ADGRV1: variants seen among roughly 807,000 people sequenced by gnomAD.
The protein encoded by ADGRV1 is adhesion G protein-coupled receptor V1.
Under a neutral mutation model 596.2 loss-of-function variants are expected in ADGRV1, and 359 were observed. The ratio of observed to expected loss-of-function variants is 0.60; its 90% CI spans 0.55 to 0.66. The LOEUF is 0.66. ADGRV1 is among the 30% of genes least tolerant of loss of function. The pLI is 0.00. For missense variants in ADGRV1, 7,274 were observed against 7,575.6 expected (o/e 0.96, Z 1.48); for synonymous variants, 2,681 against 2,679.2 (o/e 1.00, Z -0.02).
intron 17 of ADGRV1, among the ~76,000 whole-genome samples, chr5:90,651,401 G>C (rs1045153027): frequency 6.7e-6 from 1 of 150,168 alleles, no homozygotes; most frequent in Non-Finnish European, 1.5e-5. Context: ...CTCTCTCTTT[G>C]TATGTATGTT....
chr5:90,703,914 C>T (rs1326064566), intron 35 of ADGRV1, 119 bp downstream of exon 35: 27 of 704,676 alleles, frequency 3.8e-5, no homozygotes, highest in Non-Finnish European at 5.8e-5. Context: ...TCCAGACCTA[C>T]TTCGTATGAA....
At chr5:90,984,239 C>T in intron 84 of ADGRV1, among the ~76,000 whole-genome samples, 1 of 152,030 alleles carries the variant, frequency 6.6e-6, no homozygotes, top group East Asian at 1.9e-4. Flanking sequence ...ATATATAATT[C>T]ATTCATACTC....
intron 52 of ADGRV1, among the ~76,000 whole-genome samples, chr5:90,749,393 A>G (rs1159097854): frequency 6.6e-6 from 1 of 152,168 alleles, no homozygotes; most frequent in Non-Finnish European, 1.5e-5. Context: ...TTAAAAAGGC[A>G]TTGTCTTTTG....
chr5:91,041,143 A>G (rs1235850474), intron 85 of ADGRV1, among the ~76,000 whole-genome samples: 1 of 152,206 alleles, frequency 6.6e-6, no homozygotes, highest in African/African-American at 2.4e-5. Context: ...TTGGGTATAT[A>G]CCTAAAGGAT....
intron 87 of ADGRV1, among the ~76,000 whole-genome samples, chr5:91,129,898 A>G (rs1287311634): frequency 6.6e-6 from 1 of 152,200 alleles, no homozygotes. Context: ...ACAGATCTCC[A>G]TTCAAGAAAT....
Position 90,724,959 on chromosome 5 carries a change from C to A in ADGRV1, c.9876C>A (p.Tyr3292Ter). 6.2e-7 allele frequency: 1 copy of A among 1,604,280 alleles called. No individual in the cohort carries two copies. The highest frequency in any genetic ancestry group is 2.2e-5 in the East Asian group (1 of 44,636). ...TAAGAAAATCATCTGTTACTGTTTACCGATGGCAGGGGATTTTTATTCCAG... is the reference window on the plus strand; with the variant it reads ...TAAGAAAATCATCTGTTACTGTTTAACGATGGCAGGGGATTTTTATTCCAG... ...IMLRKSSVTV[Y>*]RWQGIFIPVE... Residue 3292 changes from tyrosine (Y) to a stop codon, truncating the protein, a stop_gained, in exon 46 of 90, where the codon TAC (tyrosine) becomes TAA (stop). Transcript: ENST00000405460. LOFTEE classifies it high-confidence loss of function.
chr5:90,613,402 G>A (rs747831906), intron 1 of ADGRV1, among the ~76,000 whole-genome samples: 1 of 152,082 alleles, frequency 6.6e-6, no homozygotes, highest in African/African-American at 2.4e-5. Flanking sequence ...GCTCAGAACT[G>A]CTCCCCCTTT....
chr5:90,834,836 T>C (rs533923719), intron 77 of ADGRV1, among the ~76,000 whole-genome samples: 3 of 152,060 alleles, frequency 2.0e-5, no homozygotes, highest in Admixed American at 1.3e-4. Context: ...ATTTTTATTC[T>C]TTTTTCTTTT....
chr5:90,754,895 T>G, intron 54 of ADGRV1, 88 bp from the exon 55 acceptor site: 1 of 856,896 alleles, frequency 1.2e-6, no homozygotes. Flanking sequence ...CTACAAGGGA[T>G]AGAGTAGAGT....
chr5:91,072,565 G>A lies in ADGRV1; in HGVS notation c.18271G>A (p.Ala6091Thr), dbSNP rs1332031548. ...CTACCAGGTGAAGCCACAGTGGAAA[G>A]CATATGATGATGTCTTCAGAGGAAG... is the stretch of plus-strand genomic sequence containing the variant. ...HAYQVKPQWK[A>T]YDDVFRGRTN... Residue 6091 changes from alanine to threonine, a missense_variant, in exon 86 of 90, where the codon GCA (alanine) becomes ACA (threonine). Physicochemically the swap from Ala to Thr is moderately conservative, Grantham distance 58 (BLOSUM62 0). Transcript: ENST00000405460. 6.2e-7 allele frequency: 1 copy of A among 1,613,892 alleles called. No individual in the cohort carries two copies. Among genetic ancestry groups the A allele is most frequent in the Admixed American group, 1.7e-5 (1 of 60,022 alleles).
intron 83 of ADGRV1, among the ~76,000 whole-genome samples, chr5:90,892,641 A>G (rs1252777427): frequency 6.6e-6 from 1 of 152,124 alleles, no homozygotes. Flanking sequence ...GTTTTCTCTT[A>G]CCCCTTTTAA....
Position 90,672,555 on chromosome 5 carries a change from G to A in ADGRV1, c.4762G>A (p.Glu1588Lys), listed in dbSNP as rs1423740535. ...TGACIPEIAEEGSTISCVVER... is the reference protein window; with the variant it reads ...TGACIPEIAEKGSTISCVVER... The stretch of plus-strand genomic sequence containing the variant: ...TTACATTCAATTTCAGATTGCAGAG[G>A]AGGGATCAACCATTTCTTGTGTGGT... Residue 1588 changes from glutamate (E) to lysine (K), a missense_variant, in exon 22 of 90, where the codon GAG (glutamate) becomes AAG (lysine). Glu to Lys is a moderately conservative substitution (Grantham distance 56, BLOSUM62 1). Around this residue, in one of 5 missense-constraint regions of ADGRV1, gnomAD observed 3,643 missense variants for 3,809.2 expected, o/e 0.96. Coordinates refer to ENST00000405460, the MANE Select transcript of ADGRV1 (RefSeq NM_032119.4). The A allele has an allele frequency of 1.9e-6, 3 of 1,613,208 alleles. No homozygotes were observed. The highest frequency in any genetic ancestry group is 2.7e-5 in the African/African-American group (2 of 74,910).
At chr5:91,116,405 A>G (rs762097533) in intron 87 of ADGRV1, among the ~76,000 whole-genome samples, 6 of 152,232 alleles carry the variant, frequency 3.9e-5, no homozygotes, top group Non-Finnish European at 5.9e-5. Flanking sequence ...GAAATCAACC[A>G]AAGAATGTGA....
intron 85 of ADGRV1, among the ~76,000 whole-genome samples, chr5:91,000,341 C>T (rs1025083961): frequency 6.6e-6 from 1 of 151,972 alleles, no homozygotes; most frequent in Non-Finnish European, 1.5e-5. Flanking sequence ...TCTCTCCATC[C>T]CCATTTTTAA....
At chr5:91,037,332 A>T (rs1401203183) in intron 85 of ADGRV1, among the ~76,000 whole-genome samples, 2 of 152,196 alleles carry the variant, frequency 1.3e-5, no homozygotes, top group Admixed American at 6.5e-5. Flanking sequence ...CTGTCCTCCA[A>T]AGTGGATCAT....
At chr5:90,721,474 A>T in intron 45 of ADGRV1, among the ~76,000 whole-genome samples, 1 of 151,492 alleles carries the variant, frequency 6.6e-6, no homozygotes, top group African/African-American at 2.4e-5. Context: ...ACTGCACTCC[A>T]GCCTGGTCAA....
intron 59 of ADGRV1, 104 bp from the exon 60 acceptor site, chr5:90,774,082 C>A: frequency 2.1e-6 from 1 of 478,892 alleles, no homozygotes; most frequent in Non-Finnish European, 3.7e-6. Context: ...AAAAAGACAC[C>A]CTTAAAAATG....
chr5:91,156,845 A>C (rs992797712), intron 89 of ADGRV1, among the ~76,000 whole-genome samples: 2 of 152,240 alleles, frequency 1.3e-5, no homozygotes, highest in African/African-American at 4.8e-5. Context: ...TGTCTACAGC[A>C]GTTATAACTG....
At chr5:90,706,080 G>C in intron 37 of ADGRV1, 151 bp from the exon 38 acceptor site, 1 of 597,492 alleles carries the variant, frequency 1.7e-6, no homozygotes, top group Non-Finnish European at 2.9e-6. Flanking sequence ...CCATCACATG[G>C]TAAAGATTAT....
Sources: gnomAD v4.1 joint callset for allele counts (sites outside exome capture counted in the v4.1 genomes callset) on GRCh38, gnomAD v4.1.1 for gene constraint, gnomAD v4.1.1 regional missense constraint, MANE v1.5 for transcripts, NCBI Gene and HGNC (gene_info 2026-07-23, HGNC 2026-07-21) for gene names.